DAP3: variants seen among roughly 807,000 people sequenced by gnomAD.
DAP3 encodes the protein death associated protein 3.
A neutral mutation model predicts 51.9 loss-of-function variants in DAP3; 28 were observed. That is an observed-to-expected ratio of 0.54 (90% CI 0.40 to 0.74). The LOEUF (loss-of-function observed/expected upper bound fraction) is 0.74, where lower values mean the gene tolerates loss of function less well. DAP3 is among the 30% of genes least tolerant of loss of function. The pLI is 0.00. For synonymous variants in DAP3, 170 were observed against 170.3 expected, an observed-to-expected ratio of 1.00 and a Z score of 0.01; for missense variants, 458 against 483.5, an observed-to-expected ratio of 0.95 and a Z score of 0.49.
intron 2 of DAP3, among the ~76,000 whole-genome samples, chr1:155,716,401 A>T (rs1344832120): frequency 6.6e-6 from 1 of 150,744 alleles, no homozygotes; most frequent in Non-Finnish European, 1.5e-5. Flanking sequence ...CTAAAAATAC[A>T]CCTCTACTAA....
chr1:155,703,697 C>G (rs1320128606), intron 1 of DAP3, among the ~76,000 whole-genome samples: 1 of 152,166 alleles, frequency 6.6e-6, no homozygotes, highest in East Asian at 1.9e-4. Context: ...GCCACCACAC[C>G]CAGCTAATTT....
At chr1:155,688,091 A>G (rs1652799039), upstream of DAP3, 1 of 1,594,684 alleles carries the variant, frequency 6.3e-7, no homozygotes, top group South Asian at 1.1e-5. Flanking sequence ...GCCGAGAGCG[A>G]TGAGAGTACA....
intron 1 of DAP3, among the ~76,000 whole-genome samples, chr1:155,702,169 A>AG (rs1448747656): frequency 2.6e-4 from 39 of 148,636 alleles, no homozygotes; most frequent in African/African-American, 9.9e-4. Context: ...AAAAAAAAAA[A>AG]AGAAAATTAG....
rs1285232177 is a variant in DAP3, at chr1:155,736,932, T to G, written c.994-14T>G. 1 of 1,592,416 alleles carries G rather than the reference T, an allele frequency of 6.3e-7. No homozygotes were observed. Among genetic ancestry groups the G allele is most frequent in the Admixed American group, 1.7e-5 (1 of 59,970 alleles). ...CCTTAACTAACATGTTTCCTGATCCTTTTTCTTCCCCAGGAAGGATTTGAT... is the reference window on the plus strand; with the variant it reads ...CCTTAACTAACATGTTTCCTGATCCGTTTTCTTCCCCAGGAAGGATTTGAT... On this transcript the variant is annotated splice_polypyrimidine_tract_variant and intron_variant, in intron 11 of 12. Coordinates refer to ENST00000368336, the MANE Select transcript of DAP3 (RefSeq NM_004632.4).
At position 155,725,976 on chromosome 1, in the gene DAP3, T is replaced by C. The variant is rs754351891; in HGVS notation, c.429T>C (p.His143=). Residue 143 remains histidine, a synonymous_variant, in exon 6 of 13, where the codon CAT becomes CAC. Coordinates refer to ENST00000368336, the MANE Select transcript of DAP3 (RefSeq NM_004632.4). ...CCCTAAGTCTTTGCCATGTTATTCA[T>C]TTCTGTGCAAAACAGGACTGGCTGA... ...GKTLSLCHVI[H]FCAKQDWLIL... The C allele has an allele frequency of 9.3e-6, 15 of 1,614,184 alleles. No individual in the cohort carries two copies. Among genetic ancestry groups the C allele is most frequent in the Non-Finnish European group, 1.1e-5 (13 of 1,180,030 alleles).
upstream of DAP3, chr1:155,688,691 T>G: frequency 6.6e-7 from 1 of 1,523,386 alleles, no homozygotes; most frequent in Non-Finnish European, 8.7e-7. Flanking sequence ...CTTCTCCACC[T>G]CCTCTTCTCT....
intron 1 of DAP3, among the ~76,000 whole-genome samples, chr1:155,705,546 T>C (rs1188639856): frequency 1.3e-5 from 2 of 148,822 alleles, no homozygotes; most frequent in Admixed American, 6.7e-5. Flanking sequence ...GAGGCTACAG[T>C]GTGCTGTGAT....
intron 4 of DAP3, 140 bp from the exon 5 acceptor site, chr1:155,725,242 A>G: frequency 1.5e-6 from 1 of 665,530 alleles, no homozygotes; most frequent in Non-Finnish European, 2.6e-6. Flanking sequence ...ACTCAGTACC[A>G]ACCCAGCTTC....
chr1:155,733,079 G>C (rs527933174), intron 11 of DAP3, among the ~76,000 whole-genome samples: 1 of 152,360 alleles, frequency 6.6e-6, no homozygotes, highest in African/African-American at 2.4e-5. Flanking sequence ...GTGACAGTCT[G>C]TCAGTCTTTG....
At chr1:155,738,018 C>A in intron 12 of DAP3, 139 bp from the exon 13 acceptor site, 1 of 763,300 alleles carries the variant, frequency 1.3e-6, no homozygotes, top group Non-Finnish European at 2.1e-6. Context: ...GGGTGAGGGT[C>A]TAGAAGTAAG....
At chr1:155,700,600 C>T (rs1270429569) in intron 1 of DAP3, among the ~76,000 whole-genome samples, 2 of 147,780 alleles carry the variant, frequency 1.4e-5, no homozygotes, top group African/African-American at 5.0e-5. Context: ...CCAGCCGCCC[C>T]GTCCGGGAGG....
At chr1:155,699,058 A>T (rs1321538754) in intron 1 of DAP3, among the ~76,000 whole-genome samples, 1 of 152,194 alleles carries the variant, frequency 6.6e-6, no homozygotes, top group Non-Finnish European at 1.5e-5. Context: ...ACAGGTTAAG[A>T]GTTCATAAAG....
chr1:155,701,606 C>G (rs1655283175), intron 1 of DAP3, among the ~76,000 whole-genome samples: 1 of 131,626 alleles, frequency 7.6e-6, no homozygotes, highest in Non-Finnish European at 1.6e-5. Context: ...TATCTGCTGA[C>G]CTTCCCTCCA....
At chr1:155,721,988 T>A (rs1658070971) in intron 4 of DAP3, 5 of 303,090 alleles carry the variant, frequency 1.6e-5, no homozygotes, top group Admixed American at 9.1e-5. Flanking sequence ...CATTGGTTTT[T>A]ATTCTCTTGT....
At chr1:155,708,540 G>GTTTTTTTTTTT (rs151238139) in intron 1 of DAP3, among the ~76,000 whole-genome samples, 1 of 103,266 alleles carries the variant, frequency 9.7e-6, no homozygotes, top group African/African-American at 4.2e-5. Context: ...TTCTGTTTTT[G>GTTTTTTTTTTT]TTTTTTTTTT....
chr1:155,734,718 G>A (rs1659583436), intron 11 of DAP3, among the ~76,000 whole-genome samples: 1 of 151,392 alleles, frequency 6.6e-6, no homozygotes, highest in African/African-American at 2.5e-5. Context: ...ATACATGTAT[G>A]TATGTATATG....
In DAP3 at chr1:155,738,163, C is replaced by A. The variant is rs1659998922; in HGVS notation, c.1118C>A (p.Thr373Lys). The change falls in exon 13 of 13, where the codon ACA becomes AAA. Residue 373 changes from threonine (T) to lysine (K), a missense_variant. Coordinates refer to ENST00000368336, the MANE Select transcript of DAP3 (RefSeq NM_004632.4). ...GTGTTTGTCTCCATTTTAGCTCCTA[C>A]AGAAGAAGGGAAAAAAGAGCTGCTG... ...NNWLQHEKAP[T>K]EEGKKELLFL... 1 of 1,614,070 alleles carries A rather than the reference C, an allele frequency of 6.2e-7. No individual in the cohort carries two copies. Among genetic ancestry groups the A allele is most frequent in the Admixed American group, 1.7e-5 (1 of 60,004 alleles).
intron 7 of DAP3, 120 bp from the exon 8 acceptor site, chr1:155,728,922 C>T: frequency 1.1e-6 from 1 of 916,710 alleles, no homozygotes; most frequent in Non-Finnish European, 1.7e-6. Context: ...CTTACAGAAC[C>T]TGAACAATAG....
intron 7 of DAP3, among the ~76,000 whole-genome samples, 183 bp from the exon 8 acceptor site, chr1:155,728,859 C>CAAA (rs34650481): frequency 1.5e-5 from 2 of 136,324 alleles, no homozygotes; most frequent in Non-Finnish European, 1.6e-5. Flanking sequence ...GAAGCTGTCT[C>CAAA]AAAAAAAAAA....
Sources: gnomAD v4.1 joint callset for allele counts (sites outside exome capture counted in the v4.1 genomes callset) on GRCh38, gnomAD v4.1.1 for gene constraint, MANE v1.5 for transcripts, NCBI Gene and HGNC (gene_info 2026-07-23, HGNC 2026-07-21) for gene names.